Variants in ZDHHC14 observed in about 807,000 individuals in gnomAD.
ZDHHC14 encodes palmitoyltransferase ZDHHC14.
A neutral mutation model predicts 47.7 loss-of-function variants in ZDHHC14; 16 were observed. The observed-to-expected ratio is 0.34, with a 90% CI of 0.23 to 0.51. ZDHHC14 has a LOEUF of 0.51. Among genes scored for constraint, ZDHHC14 ranks in the 20% least tolerant of loss-of-function variants. The pLI, the probability that ZDHHC14 is intolerant of heterozygous loss-of-function variation, is 0.97. For missense variants in ZDHHC14, 515 were observed against 662.5 expected, an observed-to-expected ratio of 0.78 and a Z score of 2.44; for synonymous variants, 293 against 278.9, an observed-to-expected ratio of 1.05 and a Z score of -0.50.
intron 8 of ZDHHC14, among the ~76,000 whole-genome samples, chr6:157,659,644 C>T (rs528869147): frequency 0.019 from 2,958 of 152,304 alleles, 48 homozygotes; most frequent in Non-Finnish European, 0.03. Flanking sequence ...GAAGCCCTAA[C>T]GGTTTTCCGG....
chr6:157,608,134 A>G (rs995479937), intron 3 of ZDHHC14, among the ~76,000 whole-genome samples: 1 of 152,200 alleles, frequency 6.6e-6, no homozygotes, highest in African/African-American at 2.4e-5. Context: ...ACTTCGCTGG[A>G]GGACAGGAAG....
intron 8 of ZDHHC14, among the ~76,000 whole-genome samples, chr6:157,661,951 G>A (rs1162281463): frequency 6.6e-6 from 1 of 151,106 alleles, no homozygotes; most frequent in Non-Finnish European, 1.5e-5. Context: ...AGCCTCCCAG[G>A]TAGCTGGACT....
intron 1 of ZDHHC14, among the ~76,000 whole-genome samples, chr6:157,413,837 G>A (rs1465015275): frequency 6.6e-6 from 1 of 152,072 alleles, no homozygotes; most frequent in Non-Finnish European, 1.5e-5. Context: ...GAGTTACAAG[G>A]TGTCTGTTGA....
At chr6:157,610,467 G>A (rs1784711342) in intron 3 of ZDHHC14, among the ~76,000 whole-genome samples, 1 of 152,130 alleles carries the variant, frequency 6.6e-6, no homozygotes, top group Non-Finnish European at 1.5e-5. Context: ...TACACCTGAA[G>A]TAGAAACTAA....
At chr6:157,446,564 C>A (rs1366194365) in intron 1 of ZDHHC14, among the ~76,000 whole-genome samples, 1 of 152,082 alleles carries the variant, frequency 6.6e-6, no homozygotes, top group African/African-American at 2.4e-5. Flanking sequence ...TGCGTACCAC[C>A]ATGCCTGGCT....
intron 1 of ZDHHC14, among the ~76,000 whole-genome samples, chr6:157,458,693 G>T (rs1462462302): frequency 6.6e-6 from 1 of 152,040 alleles, no homozygotes; most frequent in Non-Finnish European, 1.5e-5. Flanking sequence ...ATCTTGTGTA[G>T]ATGTGAGTGC....
At chr6:157,416,670 TAAAAAAAA>T (rs570772103) in intron 1 of ZDHHC14, among the ~76,000 whole-genome samples, 1 of 75,344 alleles carries the variant, frequency 1.3e-5, no homozygotes, top group African/African-American at 5.0e-5. Context: ...CCTGTCTCAT[TAAAAAAAA>T]AAAAAAAAAA....
At chr6:157,566,243 T>TA (rs11436142) in intron 2 of ZDHHC14, among the ~76,000 whole-genome samples, 74,584 of 151,792 alleles carry the variant, frequency 0.49, 19,065 homozygotes, top group African/African-American at 0.65. Context: ...TCTTTCTCTC[T>TA]AAAAAAACCC....
chr6:157,649,763 G>C (rs1002481866), intron 7 of ZDHHC14, among the ~76,000 whole-genome samples: 6 of 152,226 alleles, frequency 3.9e-5, no homozygotes, highest in Admixed American at 1.3e-4. Flanking sequence ...ATGGCAGCTG[G>C]CTGGGTATGG....
At chr6:157,528,317 G>A (rs756629437) in intron 1 of ZDHHC14, among the ~76,000 whole-genome samples, 5 of 152,178 alleles carry the variant, frequency 3.3e-5, no homozygotes, top group Non-Finnish European at 5.9e-5. Flanking sequence ...AATCTCAGAA[G>A]TGTGTGGCTT....
intron 3 of ZDHHC14, among the ~76,000 whole-genome samples, chr6:157,607,434 C>T (rs547304103): frequency 7.9e-5 from 12 of 152,262 alleles, no homozygotes; most frequent in East Asian, 5.8e-4. Context: ...AGGCTCCTTC[C>T]GCTTCCTCTC....
intron 1 of ZDHHC14, among the ~76,000 whole-genome samples, chr6:157,455,904 C>G (rs1014637033): frequency 6.6e-6 from 1 of 152,176 alleles, no homozygotes; most frequent in Non-Finnish European, 1.5e-5. Context: ...CAGCTATCTC[C>G]GTGTCAATGG....
chr6:157,478,816 GA>G (rs993093832), intron 1 of ZDHHC14, among the ~76,000 whole-genome samples: 1 of 152,166 alleles, frequency 6.6e-6, no homozygotes, highest in South Asian at 2.1e-4. Flanking sequence ...AAATGTCATA[GA>G]AAAAATTAGA....
At chr6:157,531,253 G>A (rs1781353526) in intron 1 of ZDHHC14, among the ~76,000 whole-genome samples, 1 of 150,812 alleles carries the variant, frequency 6.6e-6, no homozygotes, top group Admixed American at 6.6e-5. Flanking sequence ...GTGAGGCACT[G>A]GGGATGCCAC....
chr6:157,385,854 T>G (rs955558936), intron 1 of ZDHHC14, among the ~76,000 whole-genome samples: 1 of 152,238 alleles, frequency 6.6e-6, no homozygotes, highest in Non-Finnish European at 1.5e-5. Context: ...GACCCTAAGA[T>G]TATTACTAGC....
chr6:157,489,573 AG>A (rs34317023), intron 1 of ZDHHC14, among the ~76,000 whole-genome samples: 51,755 of 151,888 alleles, frequency 0.34, 8,904 homozygotes, highest in East Asian at 0.46. Context: ...TCTGAATTGG[AG>A]GGTGGTGGTT....
intron 7 of ZDHHC14, among the ~76,000 whole-genome samples, chr6:157,651,176 G>A (rs1043890745): frequency 6.6e-6 from 1 of 152,248 alleles, no homozygotes; most frequent in African/African-American, 2.4e-5. Flanking sequence ...GTTATAGTCG[G>A]AGGCTCGAAG....
At chr6:157,614,253 C>T (rs1784869604) in intron 3 of ZDHHC14, among the ~76,000 whole-genome samples, 1 of 152,132 alleles carries the variant, frequency 6.6e-6, no homozygotes, top group Admixed American at 6.5e-5. Context: ...GGAGCAGCCC[C>T]ACCTCCAGGA....
intron 1 of ZDHHC14, among the ~76,000 whole-genome samples, chr6:157,518,022 G>T (rs762698662): frequency 6.6e-6 from 1 of 152,234 alleles, no homozygotes; most frequent in African/African-American, 2.4e-5. Context: ...ATGTGGACAC[G>T]CAGGCTGGAG....
Sources: gnomAD v4.1 joint callset for allele counts (sites outside exome capture counted in the v4.1 genomes callset) on GRCh38, gnomAD v4.1.1 for gene constraint, MANE v1.5 for transcripts, NCBI Gene and HGNC (gene_info 2026-07-23, HGNC 2026-07-21) for gene names.